Variants in SEC22C observed in about 807,000 individuals in gnomAD.
SEC22C encodes vesicle-trafficking protein SEC22c.
A neutral mutation model predicts 34.7 loss-of-function variants in SEC22C; 29 were observed. The ratio of observed to expected loss-of-function variants is 0.84; its 90% CI spans 0.62 to 1.14. The LOEUF (loss-of-function observed/expected upper bound fraction) is 1.14, where lower values mean the gene tolerates loss of function less well. Among genes scored for constraint, SEC22C ranks in the 50% most tolerant of loss-of-function variants. SEC22C has a pLI of 0.00. For missense variants in SEC22C, 337 were observed against 369.0 expected, an observed-to-expected ratio of 0.91 and a Z score of 0.71; for synonymous variants, 117 against 132.8, an observed-to-expected ratio of 0.88 and a Z score of 0.82.
intron 4 of SEC22C, among the ~76,000 whole-genome samples, chr3:42,559,979 C>T (rs1460356707): frequency 1.3e-5 from 2 of 151,590 alleles, no homozygotes; most frequent in African/African-American, 2.4e-5. Flanking sequence ...ACAGTGAGAA[C>T]GTTAGAAGCC....
At chr3:42,563,835 T>G in intron 2 of SEC22C, 149 bp from the exon 3 acceptor site, 1 of 1,523,494 alleles carries the variant, frequency 6.6e-7, no homozygotes, top group East Asian at 2.6e-5. Flanking sequence ...TCTCTTCAGT[T>G]CGACCTATTC....
chr3:42,590,235 A>G (rs1385148580), intron 1 of SEC22C, among the ~76,000 whole-genome samples: 1 of 152,216 alleles, frequency 6.6e-6, no homozygotes, highest in African/African-American at 2.4e-5. Flanking sequence ...ACAATGCCAT[A>G]GCCAATGTTC....
At chr3:42,554,150 A>C (rs371187364) in intron 6 of SEC22C, among the ~76,000 whole-genome samples, 2 of 152,078 alleles carry the variant, frequency 1.3e-5, no homozygotes, top group Admixed American at 1.3e-4. Context: ...CAAAGGTTCA[A>C]TCTACAGAGG....
At chr3:42,591,950 C>G (rs7647335) in intron 1 of SEC22C, among the ~76,000 whole-genome samples, 1 of 152,078 alleles carries the variant, frequency 6.6e-6, no homozygotes, top group African/African-American at 2.4e-5. Flanking sequence ...ATCTTGGATC[C>G]CTGCCTCATC....
intron 1 of SEC22C, among the ~76,000 whole-genome samples, chr3:42,597,158 T>C (rs1334531045): frequency 1.3e-5 from 2 of 152,178 alleles, no homozygotes; most frequent in South Asian, 2.1e-4. Context: ...GCTCCTCTAA[T>C]AGACACACTG....
At chr3:42,590,593 A>G (rs1314725152) in intron 1 of SEC22C, among the ~76,000 whole-genome samples, 1 of 152,130 alleles carries the variant, frequency 6.6e-6, no homozygotes, top group Admixed American at 6.5e-5. Flanking sequence ...CTCAAAAAAA[A>G]AAAAAGCATG....
At position 42,561,143 on chromosome 3, in the gene SEC22C, C is replaced by T. The variant is rs1702878508; in HGVS notation, c.500G>A (p.Gly167Asp). 1.2e-6 allele frequency: 2 copies of T among 1,614,044 alleles called. No homozygotes were observed. The highest frequency in any genetic ancestry group is 1.3e-5 in the African/African-American group (1 of 74,916). Reference sequence around the variant, plus strand: ...AGGCTCCAAGTGCATCGGTGTGTGACCATTCATCACCCCATTTGCCACATC... The same window carrying T: ...AGGCTCCAAGTGCATCGGTGTGTGATCATTCATCACCCCATTTGCCACATC... ...DTDVANGVMNGHTPMHLEPAP... is the reference protein window; with the variant it reads ...DTDVANGVMNDHTPMHLEPAP... The change falls in exon 4 of 7, where the codon GGT becomes GAT. Residue 167 changes from glycine (G) to aspartate (D), a missense_variant. Physicochemically the swap from Gly to Asp is moderately conservative, Grantham distance 94. Transcript: ENST00000264454.
Position 42,549,057 on chromosome 3 carries a change from C to A in SEC22C, c.*4191G>T, listed in dbSNP as rs775575111. The A allele has an allele frequency of 1.4e-5, 14 of 975,886 alleles. No individual in the cohort carries two copies. Among genetic ancestry groups the A allele is most frequent in the Non-Finnish European group, 1.7e-5 (14 of 813,596 alleles). The allele number at this position is 975,886 out of a possible 1,614,324, so 60.5% of individuals were successfully genotyped here. A position where few individuals can be genotyped will look rare whatever the true frequency, so the allele number is the denominator to read the frequency against. On this transcript the variant is annotated 3_prime_UTR_variant, in exon 7 of 7. Coordinates refer to ENST00000264454, the MANE Select transcript of SEC22C (RefSeq NM_032970.4). ...ACATAGGACTCAGTGAAGAGCCTAG[C>A]CAGCTGACGGTCAGCTGACTGGTGC...
intron 2 of SEC22C, among the ~76,000 whole-genome samples, chr3:42,565,044 C>T (rs1021668485): frequency 6.6e-6 from 1 of 152,192 alleles, no homozygotes; most frequent in African/African-American, 2.4e-5. Flanking sequence ...AGGCGTGAAC[C>T]ACTGCACCCA....
At chr3:42,553,806 C>T (rs1458802416) in intron 6 of SEC22C, among the ~76,000 whole-genome samples, 1 of 152,216 alleles carries the variant, frequency 6.6e-6, no homozygotes, top group Admixed American at 6.5e-5. Flanking sequence ...CCTAACGTGA[C>T]TGACTGGCCC....
chr3:42,567,150 C>G (rs1407858431), intron 2 of SEC22C, among the ~76,000 whole-genome samples: 2 of 152,190 alleles, frequency 1.3e-5, no homozygotes, highest in African/African-American at 4.8e-5. Flanking sequence ...GATCTTCCCG[C>G]CTCAGCCTCC....
At position 42,552,386 on chromosome 3, in the gene SEC22C, G is replaced by A. The variant is rs1482344303; in HGVS notation, c.*862C>T. The stretch of plus-strand genomic sequence containing the variant: ...ACAGCAGCCCCTCCCAAGCGGATCT[G>A]TAAAGTGCCACTGAATCCATGTTCA... On this transcript the variant is annotated 3_prime_UTR_variant, in exon 7 of 7. Transcript: ENST00000264454. The A allele has an allele frequency of 2.0e-6, 2 of 985,454 alleles. No homozygotes were observed. 61.0% of individuals were successfully genotyped at this position (985,454 alleles called of 1,614,324 possible). A position where few individuals can be genotyped will look rare whatever the true frequency, so the allele number is the denominator to read the frequency against.
At chr3:42,569,945 G>T (rs546460842) in intron 1 of SEC22C, among the ~76,000 whole-genome samples, 1 of 152,294 alleles carries the variant, frequency 6.6e-6, no homozygotes, top group African/African-American at 2.4e-5. Flanking sequence ...CTGTACATCT[G>T]TGAGTGGCAG....
chr3:42,579,928 A>G (rs1313469648), intron 1 of SEC22C, among the ~76,000 whole-genome samples: 4 of 152,272 alleles, frequency 2.6e-5, no homozygotes, highest in Non-Finnish European at 5.9e-5. Flanking sequence ...ATAAATCTGT[A>G]TTTGGAGAGA....
At chr3:42,577,672 A>G (rs1348493251) in intron 1 of SEC22C, among the ~76,000 whole-genome samples, 1 of 152,136 alleles carries the variant, frequency 6.6e-6, no homozygotes, top group Non-Finnish European at 1.5e-5. Context: ...AAAATGGTAT[A>G]CTCTAGAAAA....
At chr3:42,560,012 C>T (rs920086212) in intron 4 of SEC22C, among the ~76,000 whole-genome samples, 8 of 151,584 alleles carry the variant, frequency 5.3e-5, no homozygotes, top group Non-Finnish European at 8.8e-5. Context: ...CCCTGTCCAA[C>T]GCTCTCATCC....
At chr3:42,565,901 CTATTTCCTCTGCG>C (rs1459819495) in intron 2 of SEC22C, 1 of 455,856 alleles carries the variant, frequency 2.2e-6, no homozygotes, top group East Asian at 7.0e-5. Flanking sequence ...AAAAGAAAGT[CTATTTCCTCTGCG>C]AAAATAATGG....
chr3:42,576,091 C>T (rs1254782593), intron 1 of SEC22C, among the ~76,000 whole-genome samples: 3 of 151,710 alleles, frequency 2.0e-5, no homozygotes, highest in Non-Finnish European at 2.9e-5. Flanking sequence ...GAAAATTAAA[C>T]ACACACTTTA....
chr3:42,569,227 A>C (rs1480905441), intron 1 of SEC22C, among the ~76,000 whole-genome samples, 154 bp from the exon 2 acceptor site: 1 of 152,168 alleles, frequency 6.6e-6, no homozygotes, highest in Admixed American at 6.5e-5. Context: ...CTCTACTGCT[A>C]TATCACTCCC....
Sources: allele counts gnomAD v4.1 joint callset (sites outside exome capture counted in the v4.1 genomes callset), GRCh38; gene constraint gnomAD v4.1.1; transcripts MANE v1.5; gene names NCBI Gene and HGNC (gene_info 2026-07-23, HGNC 2026-07-21).